UNK: variants seen among roughly 807,000 people sequenced by gnomAD.
UNK encodes RING finger protein unkempt homolog.
UNK carries 32 observed loss-of-function variants against 97.6 expected under a neutral mutation model. The ratio of observed to expected loss-of-function variants is 0.33; its 90% CI spans 0.25 to 0.44. The LOEUF is 0.44. Ranked by LOEUF, UNK falls within the 20% of genes least tolerant of loss-of-function variation. UNK has a pLI of 1.00. For missense variants in UNK, 771 were observed against 1,098.4 expected (o/e 0.70, Z 4.21); for synonymous variants, 441 against 461.2 (o/e 0.96, Z 0.56).
chr17:75,801,402 C>T (rs2061856587), intron 1 of UNK, among the ~76,000 whole-genome samples: 1 of 152,074 alleles, frequency 6.6e-6, no homozygotes, highest in Non-Finnish European at 1.5e-5. Context: ...CTTGTAATCC[C>T]AGCACTTTGG....
At chr17:75,798,157 G>A (rs892191549) in intron 1 of UNK, among the ~76,000 whole-genome samples, 4 of 147,078 alleles carry the variant, frequency 2.7e-5, no homozygotes, top group East Asian at 2.0e-4. Flanking sequence ...TGCAATCTCC[G>A]CCTCCCGGGT....
At chr17:75,814,014 C>A in intron 6 of UNK, 136 bp downstream of exon 6, 1 of 749,050 alleles carries the variant, frequency 1.3e-6, no homozygotes, top group Non-Finnish European at 2.1e-6. Context: ...TCTCCCCTGG[C>A]AGTGCCTAGA....
At chr17:75,792,443 G>T in intron 1 of UNK, 1 of 985,324 alleles carries the variant, frequency 1.0e-6, no homozygotes, top group Non-Finnish European at 1.2e-6. Flanking sequence ...ATGAATTTGG[G>T]TCACACTAAT....
At position 75,815,247 on chromosome 17, in the gene UNK, G is replaced by C. The variant is rs555616231; in HGVS notation, c.955G>C (p.Val319Leu). ...PRGPFCAFAH[V>L]EQPPLSDDLQ... ...AGGACCCTTCTGCGCCTTTGCCCAC[G>C]TAGAACGTATGCTGTTCCCATTGCC... The change falls in exon 7 of 16, where the codon GTA becomes CTA. Residue 319 changes from valine to leucine, a missense_variant. Coordinates refer to ENST00000589666, the MANE Select transcript of UNK (RefSeq NM_001080419.3). 6.2e-7 allele frequency: 1 copy of C among 1,613,096 alleles called. No homozygotes were observed. Among genetic ancestry groups the C allele is most frequent in the Admixed American group, 1.7e-5 (1 of 60,012 alleles).
intron 1 of UNK, chr17:75,791,722 G>C (rs749736489): frequency 1.0e-6 from 1 of 984,886 alleles, no homozygotes; most frequent in African/African-American, 1.7e-5. Context: ...TTAAAGTCAA[G>C]ATTTGCTTAA....
intron 1 of UNK, among the ~76,000 whole-genome samples, chr17:75,807,971 T>C (rs982007148): frequency 6.6e-6 from 1 of 152,214 alleles, no homozygotes. Flanking sequence ...TCATTGCTTA[T>C]ATGAGATTCC....
At chr17:75,805,399 GAA>G (rs75234473) in intron 1 of UNK, among the ~76,000 whole-genome samples, 17 of 104,882 alleles carry the variant, frequency 1.6e-4, no homozygotes, top group Admixed American at 3.1e-4. Flanking sequence ...TCTCAAAAAG[GAA>G]AAAAAAAAAA....
Position 75,817,450 on chromosome 17 carries a change from G to A in UNK, c.1229G>A (p.Gly410Asp), listed in dbSNP as rs1307897033. The change falls in exon 9 of 16, where the codon GGC becomes GAC. Residue 410 changes from glycine to aspartate, a missense_variant. Gly to Asp is a moderately conservative substitution (Grantham distance 94, BLOSUM62 -1). Coordinates refer to ENST00000589666, the MANE Select transcript of UNK (RefSeq NM_001080419.3). This position sits in a 1 kb window ranked among gnomAD's most constrained non-coding sequence, Gnocchi z 5.8. ...VFPGESGLAP[G>D]SYKKAPGFER... is the part of the protein sequence containing the mutation. ...CCTGGGGAGTCTGGCCTGGCCCCTG[G>A]CAGCTATAAGAAGGCTCCCGGCTTC... The A allele has an allele frequency of 2.5e-6, 4 of 1,613,318 alleles. No individual in the cohort carries two copies. In the South Asian group the frequency reaches 4.4e-5, roughly 18 times the overall value.
chr17:75,801,654 C>T (rs1306051462), intron 1 of UNK, among the ~76,000 whole-genome samples: 2 of 151,096 alleles, frequency 1.3e-5, no homozygotes, highest in African/African-American at 2.4e-5. Context: ...TCAAGCGATT[C>T]TCCTGCCTCA....
In UNK at chr17:75,822,548, G is replaced by C; in HGVS notation, c.1909G>C (p.Ala637Pro). The C allele has an allele frequency of 6.2e-7, 1 of 1,613,598 alleles. No homozygotes were observed. Among genetic ancestry groups the C allele is most frequent in the Non-Finnish European group, 8.5e-7 (1 of 1,179,802 alleles). ...SGSFSPGTSPAFLSGPGAAEL... is the reference protein window; with the variant it reads ...SGSFSPGTSPPFLSGPGAAEL... Reference sequence around the variant, plus strand: ...AAGCTTCTCCCCGGGCACTTCCCCCGCTTTCCTATCAGGGCCAGGGGCTGC... The same window carrying C: ...AAGCTTCTCCCCGGGCACTTCCCCCCCTTTCCTATCAGGGCCAGGGGCTGC... The change falls in exon 14 of 16, where the codon GCT becomes CCT. Residue 637 changes from alanine to proline, a missense_variant. By Grantham distance (27) the Ala-to-Pro change is conservative. Coordinates refer to ENST00000589666, the MANE Select transcript of UNK (RefSeq NM_001080419.3).
intron 1 of UNK, among the ~76,000 whole-genome samples, chr17:75,800,287 T>G (rs978399892): frequency 6.6e-6 from 1 of 151,924 alleles, no homozygotes; most frequent in Non-Finnish European, 1.5e-5. Context: ...CCCAGGCTGG[T>G]CTCCAATTCC....
chr17:75,809,568 G>T (rs530252078), intron 1 of UNK, among the ~76,000 whole-genome samples, 192 bp from the exon 2 acceptor site: 4 of 152,376 alleles, frequency 2.6e-5, no homozygotes, highest in African/African-American at 9.6e-5. Context: ...TCAGGCTGGT[G>T]TGGGACTGGG....
rs1243876703 is a variant in UNK at position 75,825,339 on chromosome 17, GC to G, written c.*923del. On this transcript the variant is annotated 3_prime_UTR_variant, in exon 16 of 16. Coordinates refer to ENST00000589666, the MANE Select transcript of UNK (RefSeq NM_001080419.3). The surrounding 1 kb of genome is among the most constrained non-coding windows in gnomAD (Gnocchi z 4.4). ...TCCCTGCCCCCTCCCCTCTCTGGCA[GC>G]TAGCAGGGCAATTGGCGGGGAGGAG... is the stretch of plus-strand genomic sequence containing the variant. The G allele has an allele frequency of 6.6e-6, 1 of 152,562 alleles. No homozygotes were observed. Among genetic ancestry groups the G allele is most frequent in the Non-Finnish European group, 1.5e-5 (1 of 68,096 alleles). 9.5% of individuals were successfully genotyped at this position (152,562 alleles called of 1,614,324 possible).
At chr17:75,821,046 G>A (rs1045221036) in intron 13 of UNK, among the ~76,000 whole-genome samples, 1 of 117,286 alleles carries the variant, frequency 8.5e-6, no homozygotes, top group African/African-American at 2.8e-5. Flanking sequence ...TATTCGGATA[G>A]GATCTGTTTT....
chr17:75,785,402 C>G (rs1267238914), intron 1 of UNK: 1 of 160,892 alleles, frequency 6.2e-6, no homozygotes, highest in Non-Finnish European at 1.4e-5. Context: ...ACGTGAAGTC[C>G]TGTCAGGAGA....
In UNK at chr17:75,822,628, G is replaced by C. The variant is rs113407120; in HGVS notation, c.1989G>C (p.Gln663His). 8.7e-6 allele frequency: 14 copies of C among 1,611,900 alleles called. No individual in the cohort carries two copies. Among genetic ancestry groups the C allele is most frequent in the African/African-American group, 1.3e-5 (1 of 74,914 alleles). ...ATGAAGCCAACAGCACCATCAAGCA[G>C]TGGGAGGAGTCCTGGAAGCAGGCCA... ...ELDEANSTIK[Q>H]WEESWKQAKQ... The change falls in exon 14 of 16, where the codon CAG becomes CAC. Residue 663 changes from glutamine to histidine, a missense_variant. Transcript: ENST00000589666.
Position 75,813,742 on chromosome 17 carries a change from C to T in UNK, c.759-19C>T. The T allele has an allele frequency of 1.3e-6, 2 of 1,558,438 alleles. No homozygotes were observed. Among genetic ancestry groups the T allele is most frequent in the Non-Finnish European group, 1.7e-6 (2 of 1,149,888 alleles). On this transcript the variant is annotated intron_variant, in intron 5 of 15. Coordinates refer to ENST00000589666, the MANE Select transcript of UNK (RefSeq NM_001080419.3). ...CACCTTCTCCTTTCTCCATCTGACC[C>T]CACCCTCTTGTTGGCCAGGTCGTCT...
Position 75,824,356 on chromosome 17 carries a change from G to A in UNK, c.2372G>A (p.Cys791Tyr). 1 of 1,590,942 alleles carries A rather than the reference G, an allele frequency of 6.3e-7. No individual in the cohort carries two copies. Among genetic ancestry groups the A allele is most frequent in the African/African-American group, 1.4e-5 (1 of 74,046 alleles). The change falls in exon 16 of 16, where the codon TGC becomes TAC. Residue 791 changes from cysteine to tyrosine, a missense_variant. Around this residue, in one of 5 missense-constraint regions of UNK, gnomAD observed 208 missense variants for 257.4 expected, o/e 0.81. Coordinates refer to ENST00000589666, the MANE Select transcript of UNK (RefSeq NM_001080419.3). This position sits in a 1 kb window ranked among gnomAD's most constrained non-coding sequence, Gnocchi z 4.9. Reference protein sequence around the residue: ...PCQHAALCELCAEGSECPICQ... With the variant: ...PCQHAALCELYAEGSECPICQ... ...CAACACGCTGCGCTGTGTGAGCTCT[G>A]CGCTGAGGGCAGCGAGTGCCCCATC...
At chr17:75,823,642 C>T (rs1343331098) in intron 15 of UNK, 120 bp downstream of exon 15, 1 of 1,361,708 alleles carries the variant, frequency 7.3e-7, no homozygotes, top group Non-Finnish European at 9.7e-7. Context: ...CTGCCCAGCA[C>T]TGGGCCAGCA....
Sources: gnomAD v4.1 joint callset for allele counts (sites outside exome capture counted in the v4.1 genomes callset) on GRCh38, gnomAD v4.1.1 for gene constraint, gnomAD v4.1.1 regional missense constraint, Gnocchi (gnomAD v3.1) non-coding constraint, MANE v1.5 for transcripts, NCBI Gene and HGNC (gene_info 2026-07-23, HGNC 2026-07-21) for gene names.